PXT1: variants seen among roughly 807,000 people sequenced by gnomAD.
PXT1 encodes the protein peroxisomal testis enriched protein 1.
In PXT1, 11 loss-of-function variants were observed where a neutral mutation model predicts 11.0. The observed-to-expected ratio is 1.00, with a 90% CI of 0.63 to 1.66. PXT1 has a LOEUF of 1.66. Ranked by LOEUF, PXT1 falls within the 40% of genes most tolerant of loss-of-function variation. The pLI, the probability that PXT1 is intolerant of heterozygous loss-of-function variation, is 0.00. For missense variants in PXT1, 141 were observed against 155.5 expected, an observed-to-expected ratio of 0.91 and a Z score of 0.49; for synonymous variants, 43 against 51.4, an observed-to-expected ratio of 0.84 and a Z score of 0.70.
Position 36,425,802 on chromosome 6 carries a change from A to AAAACAAACAAACAAAC in PXT1, c.169+111_169+112insGTTTGTTTGTTTGTTT, listed in dbSNP as rs879441761. ...GACTCTGTCTCAAAAAACAAAAACA[A>AAAACAAACAAACAAAC]AAAATATATATATATATATATATAT... On this transcript the variant is annotated intron_variant, in intron 3 of 4. Coordinates refer to ENST00000454782, the MANE Select transcript of PXT1 (RefSeq NM_152990.4). 517 of 342,952 alleles carry AAAACAAACAAACAAAC rather than the reference A, an allele frequency of 1.5e-3. 2 individuals carry two copies. Among genetic ancestry groups the AAAACAAACAAACAAAC allele is most frequent in the African/African-American group, 2.6e-3 (98 of 37,802 alleles). The allele number at this position is 342,952 out of a possible 1,614,324, so 21.2% of individuals were successfully genotyped here.
At chr6:36,421,097 T>C (rs1445590702) in intron 3 of PXT1, among the ~76,000 whole-genome samples, 1 of 150,946 alleles carries the variant, frequency 6.6e-6, no homozygotes, top group African/African-American at 2.4e-5. Flanking sequence ...ATAATTGTAT[T>C]GTGGTTATGC....
chr6:36,403,916 T>A (rs189905454), intron 3 of PXT1, among the ~76,000 whole-genome samples: 1 of 152,276 alleles, frequency 6.6e-6, no homozygotes, highest in African/African-American at 2.4e-5. Flanking sequence ...TTAGCCAGCA[T>A]TTGGATAACA....
At chr6:36,405,399 A>T in intron 3 of PXT1, among the ~76,000 whole-genome samples, 1 of 150,614 alleles carries the variant, frequency 6.6e-6, no homozygotes. Flanking sequence ...TTATTTTGAG[A>T]TGGAGTTTTG....
At chr6:36,440,766 T>C (rs528220112) in intron 1 of PXT1, among the ~76,000 whole-genome samples, 1 of 152,336 alleles carries the variant, frequency 6.6e-6, no homozygotes, top group South Asian at 2.1e-4. Context: ...CAGTCTGATA[T>C]GCTGTTCATT....
At chr6:36,417,106 G>A (rs990967387) in intron 3 of PXT1, among the ~76,000 whole-genome samples, 1 of 152,206 alleles carries the variant, frequency 6.6e-6, no homozygotes, top group Non-Finnish European at 1.5e-5. Flanking sequence ...AGCACTTTGG[G>A]AGGCCGAGGC....
At chr6:36,417,967 C>T (rs12181938) in intron 3 of PXT1, among the ~76,000 whole-genome samples, 5 of 151,414 alleles carry the variant, frequency 3.3e-5, no homozygotes, top group African/African-American at 1.2e-4. Context: ...GAGGCTGAGG[C>T]GGGCGGATCA....
At position 36,391,704 on chromosome 6, in the gene PXT1, T is replaced by C. The variant is rs1456059097; in HGVS notation, c.*66A>G. 1.9e-6 allele frequency: 2 copies of C among 1,036,996 alleles called. No individual in the cohort carries two copies. Among genetic ancestry groups the C allele is most frequent in the Admixed American group, 3.5e-5 (2 of 57,894 alleles). 64.2% of individuals were successfully genotyped at this position (1,036,996 alleles called of 1,614,324 possible). A position where few individuals can be genotyped will look rare whatever the true frequency, so the allele number is the denominator to read the frequency against. On this transcript the variant is annotated 3_prime_UTR_variant, in exon 5 of 5. Transcript: ENST00000454782. ...AGGGTGTTCTTCCCATCTGTCCCAG[T>C]GGGATTCATGTTTCTCAGAGGGTAA...
intron 3 of PXT1, among the ~76,000 whole-genome samples, chr6:36,424,492 G>A (rs1774573828): frequency 1.3e-5 from 2 of 151,434 alleles, no homozygotes; most frequent in Middle Eastern, 3.4e-3. Context: ...ATACAAAAAT[G>A]AGCCGGGCGT....
intron 3 of PXT1, among the ~76,000 whole-genome samples, chr6:36,418,690 TCA>T (rs774783197): frequency 6.6e-6 from 1 of 152,102 alleles, no homozygotes; most frequent in Non-Finnish European, 1.5e-5. Flanking sequence ...TGAAAAAAAA[TCA>T]CCTTTCACCA....
intron 2 of PXT1, among the ~76,000 whole-genome samples, chr6:36,436,107 G>A (rs925147597): frequency 1.8e-4 from 12 of 65,976 alleles, no homozygotes; most frequent in Middle Eastern, 8.9e-3. Context: ...AAAAAAAAAA[G>A]TAAGCCAAAA....
chr6:36,412,387 C>T (rs1016586474), intron 3 of PXT1, among the ~76,000 whole-genome samples: 3 of 151,664 alleles, frequency 2.0e-5, no homozygotes, highest in Non-Finnish European at 4.4e-5. Flanking sequence ...ATAGGCTGGC[C>T]GCAGTGGCTC....
At chr6:36,403,958 A>G (rs571659361) in intron 3 of PXT1, among the ~76,000 whole-genome samples, 1 of 152,352 alleles carries the variant, frequency 6.6e-6, no homozygotes, top group Admixed American at 6.5e-5. Flanking sequence ...AACTTAAGAT[A>G]AAGATTTAAG....
At chr6:36,429,508 C>CTTTTTTTTT (rs112777415) in intron 2 of PXT1, among the ~76,000 whole-genome samples, 13 of 108,214 alleles carry the variant, frequency 1.2e-4, no homozygotes, top group African/African-American at 2.3e-4. Flanking sequence ...TTTTTCTTTT[C>CTTTTTTTTT]TTTTTTTTTT....
intron 2 of PXT1, among the ~76,000 whole-genome samples, chr6:36,434,527 A>G (rs570666226): frequency 3.5e-4 from 54 of 152,372 alleles, no homozygotes; most frequent in African/African-American, 1.1e-3. Flanking sequence ...CAAATGAGGT[A>G]GCCATTATAG....
chr6:36,399,309 C>A (rs1390288310), intron 4 of PXT1, among the ~76,000 whole-genome samples: 1 of 152,072 alleles, frequency 6.6e-6, no homozygotes, highest in African/African-American at 2.4e-5. Context: ...CCATGCCTGA[C>A]TAATTTTTGT....
At chr6:36,402,628 G>C (rs1196365692) in intron 3 of PXT1, among the ~76,000 whole-genome samples, 1 of 152,224 alleles carries the variant, frequency 6.6e-6, no homozygotes, top group Non-Finnish European at 1.5e-5. Context: ...CTGGGGAAGA[G>C]CCAGCTGAGA....
At chr6:36,419,181 G>T (rs1048997465) in intron 3 of PXT1, among the ~76,000 whole-genome samples, 1 of 152,176 alleles carries the variant, frequency 6.6e-6, no homozygotes, top group Non-Finnish European at 1.5e-5. Flanking sequence ...GAGAGAAGGT[G>T]CCCAGACAGG....
chr6:36,413,146 C>T (rs1235312551), intron 3 of PXT1, among the ~76,000 whole-genome samples: 6 of 152,254 alleles, frequency 3.9e-5, no homozygotes, highest in African/African-American at 7.2e-5. Flanking sequence ...TGGCCGGACA[C>T]GGTGGCTCAC....
intron 3 of PXT1, among the ~76,000 whole-genome samples, chr6:36,420,616 T>C (rs911252138): frequency 2.6e-5 from 4 of 152,194 alleles, no homozygotes; most frequent in African/African-American, 9.7e-5. Context: ...GTCTTCACTG[T>C]ATGCCTTTTC....
Sources: allele counts gnomAD v4.1 joint callset (sites outside exome capture counted in the v4.1 genomes callset), GRCh38; gene constraint gnomAD v4.1.1; transcripts MANE v1.5; gene names NCBI Gene and HGNC (gene_info 2026-07-23, HGNC 2026-07-21).